The following RYR2 variants were observed in gnomAD, a reference collection of about 807,000 sequenced individuals.
The protein encoded by RYR2 is ryanodine receptor 2, also known as cardiac muscle ryanodine receptor-calcium release channel.
RYR2 carries 227 observed loss-of-function variants against 601.1 expected under a neutral mutation model. The ratio of observed to expected loss-of-function variants is 0.38; its 90% CI spans 0.34 to 0.42. The LOEUF (loss-of-function observed/expected upper bound fraction) is 0.42. Ranked by LOEUF, RYR2 falls within the 10% of genes least tolerant of loss-of-function variation. RYR2 has a pLI of 1.00. For missense variants in RYR2, 4,646 were observed against 6,156.5 expected (o/e 0.75, Z 8.21); for synonymous variants, 2,223 against 2,175.1 (o/e 1.02, Z -0.61).
chr1:237,771,340 G>A (rs568005815), intron 85 of RYR2, among the ~76,000 whole-genome samples: 7 of 151,746 alleles, frequency 4.6e-5, no homozygotes, highest in Non-Finnish European at 8.8e-5. Flanking sequence ...GAGGCCAGGA[G>A]TTCGAGGCTG....
intron 1 of RYR2, among the ~76,000 whole-genome samples, chr1:237,247,654 T>C (rs1005563668): frequency 2.0e-5 from 3 of 151,974 alleles, no homozygotes; most frequent in Admixed American, 6.6e-5. Flanking sequence ...GGGCACACCA[T>C]GGGAAGAACA....
At position 237,234,700 on chromosome 1, in the gene RYR2, A is replaced by T. The variant is rs112021216; in HGVS notation, c.49-35797A>T. Among the ~76,000 whole-genome samples the T allele has an allele frequency of 7.4e-4, 112 of 152,206 alleles. 1 individual carries two copies. The highest frequency in any genetic ancestry group is 2.6e-3 in the African/African-American group (106 of 41,464). On this transcript the variant is annotated intron_variant, in intron 1 of 104. Transcript: ENST00000366574. ...AAGGATAATATTCTGGACATTAGAA[A>T]ATATTTGTAGATAGTTGATAAATTT...
At chr1:237,389,859 A>T (rs544809700) in intron 10 of RYR2, among the ~76,000 whole-genome samples, 4 of 152,034 alleles carry the variant, frequency 2.6e-5, no homozygotes, top group Non-Finnish European at 4.4e-5. Flanking sequence ...TGTAAGGGGG[A>T]TATTTAAAGG....
At chr1:237,213,639 C>T (rs542667042) in intron 1 of RYR2, among the ~76,000 whole-genome samples, 1 of 152,046 alleles carries the variant, frequency 6.6e-6, no homozygotes, top group East Asian at 1.9e-4. Context: ...GATTATTTAC[C>T]CTTAGTGAAT....
chr1:237,627,322 A>G (rs1679779374), intron 40 of RYR2, among the ~76,000 whole-genome samples: 1 of 152,238 alleles, frequency 6.6e-6, no homozygotes, highest in South Asian at 2.1e-4. Context: ...TTTAAGTGAA[A>G]ACATAATTAT....
intron 10 of RYR2, among the ~76,000 whole-genome samples, chr1:237,394,258 C>G (rs746446942): frequency 6.6e-6 from 1 of 152,184 alleles, no homozygotes; most frequent in Non-Finnish European, 1.5e-5. Context: ...TTTTTCTGCT[C>G]TAGTCCTACC....
chr1:237,643,242 G>T, intron 47 of RYR2, 85 bp from the exon 48 acceptor site: 1 of 1,529,486 alleles, frequency 6.5e-7, no homozygotes. Flanking sequence ...TTTTGGACTT[G>T]GATTCCAATA....
rs544390172 is a variant in RYR2, at chr1:237,822,877, G to A, written c.14590+3685G>A. Among the ~76,000 whole-genome samples the A allele has an allele frequency of 4.6e-5, 7 of 152,102 alleles. No homozygotes were observed. The South Asian group carries it at 1.5e-3, about 32-fold the overall frequency. ...AAAACAAAACAAAACAAAAAAGCAG[G>A]GATTGCAATTCTAGTCTCTGATAGA... On this transcript the variant is annotated intron_variant, in intron 101 of 104. Coordinates refer to ENST00000366574, the MANE Select transcript of RYR2 (RefSeq NM_001035.3).
intron 1 of RYR2, among the ~76,000 whole-genome samples, chr1:237,235,002 C>T (rs949617719): frequency 5.3e-5 from 8 of 152,008 alleles, no homozygotes; most frequent in African/African-American, 1.7e-4. Context: ...GTAGTAACCC[C>T]CCCTGGGGTT....
chr1:237,156,246 T>C (rs1024664345), intron 1 of RYR2, among the ~76,000 whole-genome samples: 1 of 152,230 alleles, frequency 6.6e-6, no homozygotes, highest in South Asian at 2.1e-4. Context: ...GATAGTAAGA[T>C]AGCTGCACTA....
At chr1:237,700,607 A>G (rs1687884760) in intron 65 of RYR2, 140 bp downstream of exon 65, 3 of 606,536 alleles carry the variant, frequency 4.9e-6, no homozygotes, top group South Asian at 4.3e-5. Flanking sequence ...AAAACGTTAT[A>G]GGTTGACATT....
intron 27 of RYR2, among the ~76,000 whole-genome samples, chr1:237,559,608 C>T (rs1671254949): frequency 6.6e-6 from 1 of 152,110 alleles, no homozygotes; most frequent in African/African-American, 2.4e-5. Context: ...ATTTAAAATA[C>T]CTAACTTAAA....
In RYR2 at chr1:237,202,934, A is replaced by G. The variant is rs182761544; in HGVS notation, c.49-67563A>G. The stretch of plus-strand genomic sequence containing the variant: ...CTTCCAAACAACATAGTCACCATAG[A>G]AACAACTTTCTAAAGTAACATAATA... On this transcript the variant is annotated intron_variant, in intron 1 of 104. Coordinates refer to ENST00000366574, the MANE Select transcript of RYR2 (RefSeq NM_001035.3). 2.2e-3 allele frequency among the ~76,000 whole-genome samples: 342 copies of G among 152,304 alleles called. 1 individual carries two copies. Among genetic ancestry groups the G allele is most frequent in the African/African-American group, 7.9e-3 (329 of 41,574 alleles).
intron 58 of RYR2, among the ~76,000 whole-genome samples, chr1:237,673,610 A>G (rs1228856843): frequency 6.6e-6 from 1 of 152,216 alleles, no homozygotes; most frequent in African/African-American, 2.4e-5. Context: ...TAATGTGACT[A>G]TGAAGTACTC....
At chr1:237,301,517 C>T (rs372496768) in intron 2 of RYR2, among the ~76,000 whole-genome samples, 4 of 152,202 alleles carry the variant, frequency 2.6e-5, no homozygotes, top group African/African-American at 7.2e-5. Context: ...CAAACAGTCA[C>T]GTAACCCCTT....
At chr1:237,304,757 C>T (rs560417801) in intron 2 of RYR2, among the ~76,000 whole-genome samples, 2 of 152,222 alleles carry the variant, frequency 1.3e-5, no homozygotes, top group East Asian at 1.9e-4. Flanking sequence ...AACAATAAAG[C>T]AAAAACTACA....
chr1:237,503,500 A>C lies in RYR2; in HGVS notation c.2608A>C (p.Ser870Arg). Residue 870 changes from serine (S) to arginine (R), a missense_variant, in exon 22 of 105, where the codon AGC (serine) becomes CGC (arginine). Ser to Arg is a moderately radical substitution (Grantham distance 110). Coordinates refer to ENST00000366574, the MANE Select transcript of RYR2 (RefSeq NM_001035.3). ...AAFTPIPVDT[S>R]QIVLPPHLER... ...CTTCACACCCATCCCTGTGGATACC[A>C]GCCAGGTACCAAGATCCACTCGAAT... The C allele has an allele frequency of 6.2e-7, 1 of 1,613,334 alleles. No individual in the cohort carries two copies. The highest frequency in any genetic ancestry group is 8.5e-7 in the Non-Finnish European group (1 of 1,179,400).
intron 2 of RYR2, among the ~76,000 whole-genome samples, chr1:237,298,735 C>T (rs1354574130): frequency 6.6e-6 from 1 of 152,244 alleles, no homozygotes; most frequent in African/African-American, 2.4e-5. Context: ...TGCAGTGGCT[C>T]ATGCCTATAA....
chr1:237,790,565 A>G (rs1355793601), intron 92 of RYR2, among the ~76,000 whole-genome samples: 2 of 152,170 alleles, frequency 1.3e-5, no homozygotes, highest in Non-Finnish European at 2.9e-5. Flanking sequence ...AGAATAAAAT[A>G]ATAATTATAC....
Sources: allele counts gnomAD v4.1 joint callset (sites outside exome capture counted in the v4.1 genomes callset), GRCh38; gene constraint gnomAD v4.1.1; transcripts MANE v1.5; gene names NCBI Gene and HGNC (gene_info 2026-07-23, HGNC 2026-07-21).